The following TUBA1C variants were observed in gnomAD, a reference collection of about 807,000 sequenced individuals.
The protein encoded by TUBA1C is tubulin alpha-1C chain.
A neutral mutation model predicts 34.9 loss-of-function variants in TUBA1C; 16 were observed. The ratio of observed to expected loss-of-function variants is 0.46; its 90% CI spans 0.31 to 0.70. The LOEUF (loss-of-function observed/expected upper bound fraction) is 0.70. Among genes scored for constraint, TUBA1C ranks in the 30% least tolerant of loss-of-function variants. The probability of loss-of-function intolerance (pLI) is 0.05; values close to 1 mark genes in which losing one functional copy is unlikely to be tolerated. For missense variants in TUBA1C, 329 were observed against 587.3 expected, an observed-to-expected ratio of 0.56 and a Z score of 4.55; for synonymous variants, 177 against 215.9, an observed-to-expected ratio of 0.82 and a Z score of 1.58.
rs763529507 is a variant in TUBA1C, at chr12:49,273,417, G to A, written c.*190G>A. 7.8e-6 allele frequency: 8 copies of A among 1,020,608 alleles called. No individual in the cohort carries two copies. The highest frequency in any genetic ancestry group is 1.0e-5 in the Non-Finnish European group (7 of 699,536). 63.2% of individuals were successfully genotyped at this position (1,020,608 alleles called of 1,614,324 possible). On this transcript the variant is annotated 3_prime_UTR_variant, in exon 4 of 4. Coordinates refer to ENST00000301072, the MANE Select transcript of TUBA1C (RefSeq NM_032704.5). ...TGAAACCACCTGAGTCGAGGGTCTT[G>A]CTCTGTCACCCAGGCTGGAGTGCAG...
intron 1 of TUBA1C, chr12:49,256,309 G>T: frequency 2.8e-6 from 1 of 361,354 alleles, no homozygotes; most frequent in Non-Finnish European, 5.7e-6. Flanking sequence ...CAGTCATTTC[G>T]TGCAGAGTAA....
intron 3 of TUBA1C, among the ~76,000 whole-genome samples, chr12:49,271,268 C>T (rs182436680): frequency 6.6e-6 from 1 of 152,236 alleles, no homozygotes. Flanking sequence ...AATCTGAGGC[C>T]CATCACTTGG....
At chr12:49,270,184 T>C in intron 3 of TUBA1C, 1 of 1,096,334 alleles carries the variant, frequency 9.1e-7, no homozygotes, top group South Asian at 1.4e-5. Context: ...CTTTAGCCTA[T>C]TTTGCTTCAA....
At chr12:49,266,573 G>C (rs937497364) in intron 1 of TUBA1C, among the ~76,000 whole-genome samples, 2 of 152,316 alleles carry the variant, frequency 1.3e-5, no homozygotes, top group Middle Eastern at 6.8e-3. Flanking sequence ...CTTAGGCCGG[G>C]CGCGATGGCT....
chr12:49,260,991 C>T (rs1293962476), upstream of TUBA1C, among the ~76,000 whole-genome samples: 1 of 152,194 alleles, frequency 6.6e-6, no homozygotes, highest in Admixed American at 6.5e-5. Flanking sequence ...ACCCTGGCCT[C>T]CCAAAGTGTT....
chr12:49,234,061 G>A (rs1315206061), intron 1 of TUBA1C: 3 of 152,294 alleles, frequency 2.0e-5, no homozygotes, highest in African/African-American at 7.2e-5. Context: ...GATGATTGCA[G>A]AGGCTCCTGT....
intron 1 of TUBA1C, among the ~76,000 whole-genome samples, chr12:49,259,458 A>G (rs1942821467): frequency 6.6e-6 from 1 of 152,016 alleles, no homozygotes; most frequent in African/African-American, 2.4e-5. Flanking sequence ...CCTGACCTCA[A>G]GTGATCTGCC....
chr12:49,255,821 C>T (rs1942778354), intron 1 of TUBA1C, among the ~76,000 whole-genome samples: 1 of 152,264 alleles, frequency 6.6e-6, no homozygotes, highest in Non-Finnish European at 1.5e-5. Context: ...CGGCCTCAGT[C>T]TCCCAAAGTG....
At chr12:49,267,434 A>AGATC (rs977318429) in intron 1 of TUBA1C, among the ~76,000 whole-genome samples, 3 of 152,076 alleles carry the variant, frequency 2.0e-5, no homozygotes, top group South Asian at 2.1e-4. Context: ...CGAGGTGAGT[A>AGATC]GATCACCCGA....
At chr12:49,250,621 T>G (rs999221791) in intron 1 of TUBA1C, among the ~76,000 whole-genome samples, 1 of 150,292 alleles carries the variant, frequency 6.7e-6, no homozygotes, top group Non-Finnish European at 1.5e-5. Context: ...ATTATAAAAG[T>G]ATATTATGGG....
At chr12:49,254,698 A>T (rs1942765635) in intron 1 of TUBA1C, among the ~76,000 whole-genome samples, 1 of 152,012 alleles carries the variant, frequency 6.6e-6, no homozygotes, top group South Asian at 2.1e-4. Flanking sequence ...AGGCTTCATC[A>T]CGTAGGCATG....
At chr12:49,228,392 C>G (rs143776306) in intron 1 of TUBA1C, among the ~76,000 whole-genome samples, 3 of 152,200 alleles carry the variant, frequency 2.0e-5, no homozygotes, top group African/African-American at 7.2e-5. Flanking sequence ...TTTATTAGGA[C>G]CACAAATAGA....
chr12:49,245,388 G>C (rs1942656607), intron 1 of TUBA1C, among the ~76,000 whole-genome samples: 1 of 152,076 alleles, frequency 6.6e-6, no homozygotes, highest in Non-Finnish European at 1.5e-5. Flanking sequence ...ATCACTTGAG[G>C]CCAGGAGTCT....
chr12:49,268,805 A>G (rs1472313028), intron 1 of TUBA1C, among the ~76,000 whole-genome samples: 3 of 152,156 alleles, frequency 2.0e-5, no homozygotes, highest in Non-Finnish European at 4.4e-5. Flanking sequence ...TTTGTCTCCT[A>G]AAGAATAGGA....
At chr12:49,246,902 G>A (rs1054718113) in intron 1 of TUBA1C, among the ~76,000 whole-genome samples, 5 of 152,120 alleles carry the variant, frequency 3.3e-5, no homozygotes, top group African/African-American at 1.2e-4. Flanking sequence ...CACTTTGGGA[G>A]GCCGAGGTGG....
chr12:49,265,135 C>A lies in TUBA1C; in HGVS notation c.-47C>A. The A allele has an allele frequency of 6.3e-7, 1 of 1,593,018 alleles. No individual in the cohort carries two copies. The highest frequency in any genetic ancestry group is 8.6e-7 in the Non-Finnish European group (1 of 1,166,232). On this transcript the variant is annotated 5_prime_UTR_variant, in exon 1 of 4. Coordinates refer to ENST00000301072, the MANE Select transcript of TUBA1C (RefSeq NM_032704.5). ...TCTGTTAGTGGGAGATCCTTGTTGC[C>A]GTCCCTTCGCCTCCTTCACCGCCGC...
At chr12:49,265,238 G>A (rs778843440) in intron 1 of TUBA1C, 54 bp downstream of exon 1, 4 of 1,523,756 alleles carry the variant, frequency 2.6e-6, no homozygotes, top group East Asian at 4.6e-5. Flanking sequence ...GGGGACGGCG[G>A]GCCCGGAAAC....
In TUBA1C at chr12:49,265,082, A is replaced by T. The variant is rs1258221319; in HGVS notation, c.-100A>T. The T allele has an allele frequency of 3.5e-6, 5 of 1,441,154 alleles. No individual in the cohort carries two copies. The East Asian group carries it at 7.7e-5, about 22-fold the overall frequency. 89.3% of individuals were successfully genotyped at this position (1,441,154 alleles called of 1,614,324 possible). A position where few individuals can be genotyped will look rare whatever the true frequency, so the allele number is the denominator to read the frequency against. On this transcript the variant is annotated 5_prime_UTR_variant, in exon 1 of 4. Transcript: ENST00000301072. ...GCCCTTCGGGGCCGGCCACCCTTTC[A>T]CTACTTCTCCCCCGGACTCCTTGGT... is the stretch of plus-strand genomic sequence containing the variant.
At chr12:49,267,712 C>T (rs552267915) in intron 1 of TUBA1C, among the ~76,000 whole-genome samples, 1 of 152,262 alleles carries the variant, frequency 6.6e-6, no homozygotes, top group South Asian at 2.1e-4. Flanking sequence ...TCTCCCACAC[C>T]CCTGGAGCTG....
Sources: allele counts gnomAD v4.1 joint callset (sites outside exome capture counted in the v4.1 genomes callset), GRCh38; gene constraint gnomAD v4.1.1; transcripts MANE v1.5; gene names NCBI Gene and HGNC (gene_info 2026-07-23, HGNC 2026-07-21).